MAP2K2: variants seen among roughly 807,000 people sequenced by gnomAD.
The protein encoded by MAP2K2 is mitogen-activated protein kinase kinase 2.
In MAP2K2, 24 loss-of-function variants were observed where a neutral mutation model predicts 43.7. The observed-to-expected ratio is 0.55, with a 90% CI of 0.40 to 0.77. The LOEUF (loss-of-function observed/expected upper bound fraction) is 0.77. MAP2K2 is among the 30% of genes least tolerant of loss of function. MAP2K2 has a pLI of 0.00. For synonymous variants in MAP2K2, 244 were observed against 239.7 expected, an observed-to-expected ratio of 1.02 and a Z score of -0.17; for missense variants, 470 against 566.8, an observed-to-expected ratio of 0.83 and a Z score of 1.73.
intron 1 of MAP2K2, among the ~76,000 whole-genome samples, chr19:4,120,846 G>A (rs946045737): frequency 6.6e-6 from 1 of 150,832 alleles, no homozygotes; most frequent in African/African-American, 2.4e-5. Context: ...AAATGTGAAG[G>A]GCGAGTTCTG....
chr19:4,121,181 A>T (rs1282945345), intron 1 of MAP2K2, among the ~76,000 whole-genome samples: 1 of 150,990 alleles, frequency 6.6e-6, no homozygotes, highest in Admixed American at 6.6e-5. Context: ...CGATTCTGCC[A>T]GCACGCCACC....
chr19:4,093,855 G>A (rs760590635), intron 10 of MAP2K2, among the ~76,000 whole-genome samples: 4 of 152,176 alleles, frequency 2.6e-5, no homozygotes, highest in Non-Finnish European at 5.9e-5. Flanking sequence ...GGGTTTGAAG[G>A]TCGCTGACGG....
At chr19:4,097,065 G>A (rs1004740696) in intron 8 of MAP2K2, among the ~76,000 whole-genome samples, 25 of 150,084 alleles carry the variant, frequency 1.7e-4, no homozygotes, top group East Asian at 9.7e-4. Flanking sequence ...GTGGTGGTGC[G>A]CACCTGTAAT....
At chr19:4,097,205 T>A (rs1192391690) in intron 8 of MAP2K2, 74 bp downstream of exon 8, 531 of 572,680 alleles carry the variant, frequency 9.3e-4, no homozygotes, top group African/African-American at 5.2e-3. Context: ...AGACTCTGCC[T>A]AAAAAAAAAA....
chr19:4,108,015 C>T (rs1420106669), intron 3 of MAP2K2, among the ~76,000 whole-genome samples: 2 of 152,190 alleles, frequency 1.3e-5, no homozygotes, highest in Admixed American at 1.3e-4. Flanking sequence ...GCCCCTTTGC[C>T]TCACTGGGGT....
chr19:4,118,161 C>A lies in MAP2K2; in HGVS notation c.93-532G>T, dbSNP rs1330463740. On this transcript the variant is annotated intron_variant, in intron 1 of 10. Transcript: ENST00000262948. The stretch of plus-strand genomic sequence containing the variant: ...CCATGTTGGTCAGGCTGGTCTCCAA[C>A]TCCTGACATTGAGTGATCCGCCTGC... 4.9e-4 allele frequency among the ~76,000 whole-genome samples: 75 copies of A among 152,284 alleles called. 1 individual carries two copies. The highest frequency in any genetic ancestry group is 1.6e-4 in the Non-Finnish European group (11 of 68,028).
At chr19:4,096,423 G>A (rs1425705678) in intron 8 of MAP2K2, among the ~76,000 whole-genome samples, 1 of 152,234 alleles carries the variant, frequency 6.6e-6, no homozygotes, top group Non-Finnish European at 1.5e-5. Context: ...AGAAGGCCCA[G>A]GGAGGTGGCC....
At chr19:4,092,482 G>A (rs183336781) in intron 10 of MAP2K2, among the ~76,000 whole-genome samples, 4 of 152,098 alleles carry the variant, frequency 2.6e-5, no homozygotes, top group Admixed American at 6.5e-5. Context: ...CCAGCTACTC[G>A]AGAGGCTGAG....
chr19:4,104,375 G>A (rs1002642003), intron 3 of MAP2K2, among the ~76,000 whole-genome samples: 4 of 149,770 alleles, frequency 2.7e-5, no homozygotes, highest in Non-Finnish European at 4.4e-5. Context: ...AGACCATCCC[G>A]AGCCACACAG....
intron 3 of MAP2K2, chr19:4,103,058 C>G: frequency 9.8e-7 from 1 of 1,025,048 alleles, no homozygotes; most frequent in Non-Finnish European, 1.2e-6. Flanking sequence ...TCCCTGCCAC[C>G]TAGGGCAGAA....
At chr19:4,097,112 T>G (rs2040929206) in intron 8 of MAP2K2, among the ~76,000 whole-genome samples, 167 bp downstream of exon 8, 1 of 143,406 alleles carries the variant, frequency 7.0e-6, no homozygotes, top group Non-Finnish European at 1.5e-5. Flanking sequence ...GAGAATCACA[T>G]GAGCTTGGAA....
At chr19:4,105,115 G>A (rs2041066430) in intron 3 of MAP2K2, among the ~76,000 whole-genome samples, 1 of 150,612 alleles carries the variant, frequency 6.6e-6, no homozygotes, top group Non-Finnish European at 1.5e-5. Context: ...GTGTACTGCT[G>A]ACCCCAAATC....
At position 4,111,966 on chromosome 19, in the gene MAP2K2, A is replaced by C. The variant is rs374693592; in HGVS notation, c.304-1311T>G. Among the ~76,000 whole-genome samples the C allele has an allele frequency of 3.1e-3, 465 of 149,054 alleles. 2 individuals are homozygous for C. The highest frequency in any genetic ancestry group is 8.9e-3 in the African/African-American group (343 of 38,710). ...GAGACTTTGTCTCAAAAAAACCCCC[A>C]AAAAAACAAAACAACAACAACAACA... On this transcript the variant is annotated intron_variant, in intron 2 of 10. Transcript: ENST00000262948.
At position 4,090,711 on chromosome 19, in the gene MAP2K2, G is replaced by A; in HGVS notation, c.1093-3C>T. On this transcript the variant is annotated splice_region_variant and splice_polypyrimidine_tract_variant and intron_variant, in intron 10 of 10. Transcript: ENST00000262948. ...GACCGCTTGATGAAGGTGTGGTTCTGCAAGGAAAGGGGAGCCGTGAGCACC... is the reference window on the plus strand; with the variant it reads ...GACCGCTTGATGAAGGTGTGGTTCTACAAGGAAAGGGGAGCCGTGAGCACC... The A allele has an allele frequency of 1.3e-6, 2 of 1,551,540 alleles. No individual in the cohort carries two copies. The highest frequency in any genetic ancestry group is 8.7e-7 in the Non-Finnish European group (1 of 1,146,240).
At chr19:4,112,000 A>G (rs2041160562) in intron 2 of MAP2K2, among the ~76,000 whole-genome samples, 1 of 151,926 alleles carries the variant, frequency 6.6e-6, no homozygotes, top group Admixed American at 6.6e-5. Context: ...CAACAACAAA[A>G]ACACCACGGG....
intron 9 of MAP2K2, 96 bp from the exon 10 acceptor site, chr19:4,094,594 C>G (rs918402322): frequency 1.7e-6 from 2 of 1,178,822 alleles, no homozygotes; most frequent in African/African-American, 3.0e-5. Context: ...GGGCCGTGGT[C>G]GGAGGGGGCC....
intron 2 of MAP2K2, 133 bp downstream of exon 2, chr19:4,117,286 C>T: frequency 2.3e-6 from 2 of 868,598 alleles, no homozygotes; most frequent in Middle Eastern, 3.4e-4. Flanking sequence ...GACCTAGAGT[C>T]CCTGGTGGGG....
At chr19:4,097,593 T>C (rs1476580142) in intron 7 of MAP2K2, among the ~76,000 whole-genome samples, 1 of 152,092 alleles carries the variant, frequency 6.6e-6, no homozygotes, top group Non-Finnish European at 1.5e-5. Flanking sequence ...GAACATTTTT[T>C]GAGAAGTCAC....
chr19:4,113,275 G>A (rs892629964), intron 2 of MAP2K2, among the ~76,000 whole-genome samples: 1 of 152,158 alleles, frequency 6.6e-6, no homozygotes, highest in African/African-American at 2.4e-5. Context: ...TAGCAGAGGC[G>A]AGGGAGGCCA....
Sources: gnomAD v4.1 joint callset for allele counts (sites outside exome capture counted in the v4.1 genomes callset) on GRCh38, gnomAD v4.1.1 for gene constraint, MANE v1.5 for transcripts, NCBI Gene and HGNC (gene_info 2026-07-23, HGNC 2026-07-21) for gene names.